The following FNBP1 variants were observed in gnomAD, a reference collection of about 807,000 sequenced individuals.
FNBP1 encodes formin-binding protein 1.
In FNBP1, 26 loss-of-function variants were observed where a neutral mutation model predicts 90.6. The ratio of observed to expected loss-of-function variants is 0.29; its 90% CI spans 0.21 to 0.40. The LOEUF is 0.40. Ranked by LOEUF, FNBP1 falls within the 10% of genes least tolerant of loss-of-function variation. FNBP1 has a pLI of 1.00. For missense variants in FNBP1, 635 were observed against 768.0 expected, an observed-to-expected ratio of 0.83 and a Z score of 2.05; for synonymous variants, 260 against 265.2, an observed-to-expected ratio of 0.98 and a Z score of 0.19.
At chr9:129,963,435 G>A (rs2133018866) in intron 4 of FNBP1, among the ~76,000 whole-genome samples, 1 of 152,162 alleles carries the variant, frequency 6.6e-6, no homozygotes, top group East Asian at 1.9e-4. Context: ...TAATAAATAT[G>A]CATTTGTGTT....
chr9:130,000,728 T>C (rs899126276), intron 1 of FNBP1, among the ~76,000 whole-genome samples: 5 of 152,154 alleles, frequency 3.3e-5, no homozygotes, highest in Non-Finnish European at 7.3e-5. Flanking sequence ...AATTTTATCA[T>C]TGGCAACAAA....
rs1564527603 is a variant in FNBP1, at chr9:129,994,918, A to G, written c.65T>C (p.Ile22Thr). ...CTTGATATATTTCTCAAGAATATCA[A>G]TTCCCCACTGTGTGTGTTTTTCTAA... ...DNLEKHTQWG[I>T]DILEKYIKFV... The change falls in exon 2 of 17, where the codon ATT becomes ACT. Residue 22 changes from isoleucine (I) to threonine (T), a missense_variant. Ile to Thr is a moderately conservative substitution (Grantham distance 89, BLOSUM62 -1). Transcript: ENST00000446176. The G allele has an allele frequency of 1.2e-6, 2 of 1,607,618 alleles. No homozygotes were observed. The highest frequency in any genetic ancestry group is 1.7e-6 in the Non-Finnish European group (2 of 1,175,332).
chr9:129,948,701 C>T (rs2045725824), intron 6 of FNBP1, among the ~76,000 whole-genome samples: 1 of 152,022 alleles, frequency 6.6e-6, no homozygotes, highest in South Asian at 2.1e-4. Flanking sequence ...TGCCACCATG[C>T]CCGGCTAATT....
chr9:130,027,636 C>T (rs563590491), intron 1 of FNBP1, among the ~76,000 whole-genome samples: 1 of 152,226 alleles, frequency 6.6e-6, no homozygotes, highest in South Asian at 2.1e-4. Flanking sequence ...TTTCTCTGCT[C>T]CATCATTGCT....
the FNBP1 span, chr9:130,053,801 A>T: frequency 1.2e-6 from 1 of 843,406 alleles, no homozygotes; most frequent in Non-Finnish European, 1.8e-6. Context: ...CTAGGTCGCA[A>T]TCTCCAGGAA....
chr9:130,013,952 A>T, intron 1 of FNBP1: 9 of 453,802 alleles, frequency 2.0e-5, no homozygotes, highest in Non-Finnish European at 3.5e-5. Flanking sequence ...GAGCCAAATA[A>T]TTTTCTACTG....
At chr9:129,945,028 C>A (rs2045020434) in intron 6 of FNBP1, among the ~76,000 whole-genome samples, 1 of 152,154 alleles carries the variant, frequency 6.6e-6, no homozygotes, top group Non-Finnish European at 1.5e-5. Context: ...GAATTCATTT[C>A]TTCATTTCTA....
intron 1 of FNBP1, among the ~76,000 whole-genome samples, chr9:130,002,515 CCCCTCTCTATTGTG>C (rs1206054267): frequency 2.0e-5 from 3 of 152,154 alleles, no homozygotes; most frequent in Non-Finnish European, 4.4e-5. Flanking sequence ...CAGCACCTCC[CCCCTCTCTATTGTG>C]CCCTCTCTGG....
At chr9:129,914,043 G>A (rs1470494799) in intron 11 of FNBP1, among the ~76,000 whole-genome samples, 2 of 151,604 alleles carry the variant, frequency 1.3e-5, no homozygotes, top group African/African-American at 4.8e-5. Context: ...TGTTTGTAGA[G>A]TCAGGTTTCA....
In FNBP1 at chr9:130,005,144, G is replaced by T. The variant is rs555822530; in HGVS notation, c.25-10186C>A. 2.0e-5 allele frequency among the ~76,000 whole-genome samples: 3 copies of T among 150,450 alleles called. No individual in the cohort carries two copies. In the South Asian group the frequency reaches 6.3e-4, roughly 32 times the overall value. On this transcript the variant is annotated intron_variant, in intron 1 of 16. Transcript: ENST00000446176. Reference sequence around the variant, plus strand: ...CCAGCTACTCAGGAGGCTGAGGCAGGAGAATCACTTGAACCAGGGAGGTGG... The same window carrying T: ...CCAGCTACTCAGGAGGCTGAGGCAGTAGAATCACTTGAACCAGGGAGGTGG...
Position 130,043,118 on chromosome 9 carries a change from G to GCCGAGGAGAC in FNBP1, c.-144_-143insGTCTCCTCGG. 3.1e-6 allele frequency: 2 copies of GCCGAGGAGAC among 644,962 alleles called. No homozygotes were observed. Among genetic ancestry groups the GCCGAGGAGAC allele is most frequent in the Non-Finnish European group, 4.4e-6 (2 of 455,444 alleles). The allele number at this position is 644,962 out of a possible 1,614,324, so 40.0% of individuals were successfully genotyped here. A position where few individuals can be genotyped will look rare whatever the true frequency, so the allele number is the denominator to read the frequency against. On this transcript the variant is annotated 5_prime_UTR_variant, in exon 1 of 17. Transcript: ENST00000446176. ...GGCCTCCTCCGGCTCGCAGCTCCTC[G>GCCGAGGAGAC]CCCGGGGTCTCCTCGGCGGCTCCTC...
At chr9:130,036,123 A>G (rs1483430713) in intron 1 of FNBP1, among the ~76,000 whole-genome samples, 1 of 152,220 alleles carries the variant, frequency 6.6e-6, no homozygotes, top group Non-Finnish European at 1.5e-5. Flanking sequence ...CACTAATTCC[A>G]GAAGACTTCA....
intron 8 of FNBP1, among the ~76,000 whole-genome samples, chr9:129,925,950 A>T (rs1235368971): frequency 6.6e-6 from 1 of 151,206 alleles, no homozygotes; most frequent in African/African-American, 2.4e-5. Flanking sequence ...GAGCTTTTAG[A>T]ATTTAGAACT....
intron 10 of FNBP1, among the ~76,000 whole-genome samples, chr9:129,918,285 T>C (rs545281163): frequency 6.6e-6 from 1 of 152,390 alleles, no homozygotes; most frequent in African/African-American, 2.4e-5. Context: ...GAATTTCTTT[T>C]TAATCATTAT....
rs2038368793 is a variant in FNBP1 at position 129,907,587 on chromosome 9, GTGTGTGTGTGTGT to G, written c.1295+1290_1295+1302del. ...GCTCTTGCTAGGAGTGAGGGTGTGTGTGTGTGTGTGTGTGTGTGTGTGTGTGTGTGTGTGTGTG... is the reference window on the plus strand; with the variant it reads ...GCTCTTGCTAGGAGTGAGGGTGTGTGGTGTGTGTGTGTGTGTGTGTGTGTG... On this transcript the variant is annotated intron_variant, in intron 12 of 16. Transcript: ENST00000446176. 9.5e-4 allele frequency among the ~76,000 whole-genome samples: 3 copies of G among 3,170 alleles called. No homozygotes were observed. The Admixed American group carries it at 0.018, about 19-fold the overall frequency. The allele number at this position is 3,170 out of a possible 152,430, so 2.1% of individuals were successfully genotyped here.
At position 129,896,748 on chromosome 9, in the gene FNBP1, C is replaced by T. The variant is rs1034210384; in HGVS notation, c.1688-752G>A. 3.9e-5 allele frequency among the ~76,000 whole-genome samples: 6 copies of T among 152,296 alleles called. No individual in the cohort carries two copies. The South Asian group carries it at 8.3e-4, about 21-fold the overall frequency. The stretch of plus-strand genomic sequence containing the variant: ...CCGGGTTCAAGTGATTCTCCTGCCT[C>T]GGCCTCCCGAGTAGCTGAGATTACA... On this transcript the variant is annotated intron_variant, in intron 15 of 16. Coordinates refer to ENST00000446176, the MANE Select transcript of FNBP1 (RefSeq NM_015033.3).
chr9:129,935,715 C>T (rs1330446934), intron 6 of FNBP1, among the ~76,000 whole-genome samples: 1 of 152,072 alleles, frequency 6.6e-6, no homozygotes, highest in Non-Finnish European at 1.5e-5. Context: ...TCTCGATCTC[C>T]TGACCTCGTG....
At chr9:130,051,764 G>A in the FNBP1 span, among the ~76,000 whole-genome samples, 1 of 151,962 alleles carries the variant, frequency 6.6e-6, no homozygotes, top group East Asian at 1.9e-4. Flanking sequence ...GTGAACAGAT[G>A]TCACACCACT....
Position 129,902,750 on chromosome 9 carries a change from C to A in FNBP1, c.1428+119G>T, listed in dbSNP as rs2037195907. ...CCTTTGACCATAACTCCTGAAACAG[C>A]CTGCCATTCCCACTGTGTACCTCCC... On this transcript the variant is annotated intron_variant, in intron 13 of 16. Coordinates refer to ENST00000446176, the MANE Select transcript of FNBP1 (RefSeq NM_015033.3). 3.7e-5 allele frequency: 35 copies of A among 952,500 alleles called. 2 individuals are homozygous for A. The South Asian group carries it at 5.5e-4, about 15-fold the overall frequency. The allele number at this position is 952,500 out of a possible 1,614,324, so 59.0% of individuals were successfully genotyped here. A position where few individuals can be genotyped will look rare whatever the true frequency, so the allele number is the denominator to read the frequency against.
Sources: gnomAD v4.1 joint callset for allele counts (sites outside exome capture counted in the v4.1 genomes callset) on GRCh38, gnomAD v4.1.1 for gene constraint, MANE v1.5 for transcripts, NCBI Gene and HGNC (gene_info 2026-07-23, HGNC 2026-07-21) for gene names.